Variants in AK2 observed in about 807,000 individuals in gnomAD.
AK2 encodes adenylate kinase 2, mitochondrial.
In AK2, 15 loss-of-function variants were observed where a neutral mutation model predicts 24.6. The ratio of observed to expected loss-of-function variants is 0.61; its 90% CI spans 0.41 to 0.94. AK2 has a LOEUF of 0.94. Ranked by LOEUF, AK2 falls within the 40% of genes least tolerant of loss-of-function variation. The probability of loss-of-function intolerance (pLI) is 0.00; values close to 1 mark genes in which losing one functional copy is unlikely to be tolerated. For missense variants in AK2, 257 were observed against 304.1 expected, an observed-to-expected ratio of 0.85 and a Z score of 1.15; for synonymous variants, 102 against 114.0, an observed-to-expected ratio of 0.90 and a Z score of 0.67.
Position 33,009,277 on chromosome 1 carries a change from C to T in AK2, c.*3904G>A, listed in dbSNP as rs1014499049. 1.1e-5 allele frequency: 5 copies of T among 453,966 alleles called. No homozygotes were observed. The highest frequency in any genetic ancestry group is 1.0e-4 in the African/African-American group (5 of 49,994). The allele number at this position is 453,966 out of a possible 1,614,324, so 28.1% of individuals were successfully genotyped here. ...GGCAGCCCTTCCAAAAACATGAGAG[C>T]TTTAGTTTGGAGAAATTATTTAAGC... On this transcript the variant is annotated 3_prime_UTR_variant, in exon 6 of 6. Coordinates refer to ENST00000672715, the MANE Select transcript of AK2 (RefSeq NM_001625.4).
intron 5 of AK2, 79 bp downstream of exon 5, chr1:33,014,443 G>GA: frequency 8.7e-7 from 1 of 1,147,694 alleles, no homozygotes; most frequent in Non-Finnish European, 1.3e-6. Context: ...AAGGAAGATG[G>GA]AAAGAATAAA....
rs1638791601 is a variant in AK2, at chr1:33,011,074, C to T, written c.*2107G>A. 1 of 1,441,720 alleles carries T rather than the reference C, an allele frequency of 6.9e-7. No homozygotes were observed. The highest frequency in any genetic ancestry group is 1.5e-5 in the South Asian group (1 of 67,636). 89.3% of individuals were successfully genotyped at this position (1,441,720 alleles called of 1,614,324 possible). A position where few individuals can be genotyped will look rare whatever the true frequency, so the allele number is the denominator to read the frequency against. On this transcript the variant is annotated 3_prime_UTR_variant, in exon 6 of 6. Transcript: ENST00000672715. The stretch of plus-strand genomic sequence containing the variant: ...CTATGAATCTTCCAGTTCTTATGGG[C>T]AGCCCAAATATTACTTGTACATGTT...
rs1639762344 is a variant in AK2 at position 33,024,672 on chromosome 1, T to C, written c.94-105A>G. On this transcript the variant is annotated intron_variant, in intron 1 of 5. Transcript: ENST00000672715. ...CTGCCACTTACTGGCTATGTAAACA[T>C]GGGCAAATGCCTACTTCCTTACCTG... is the stretch of plus-strand genomic sequence containing the variant. The C allele has an allele frequency of 6.4e-6, 9 of 1,415,692 alleles. No individual in the cohort carries two copies. In the South Asian group the frequency reaches 8.3e-5, roughly 13 times the overall value. The allele number at this position is 1,415,692 out of a possible 1,614,324, so 87.7% of individuals were successfully genotyped here. A position where few individuals can be genotyped will look rare whatever the true frequency, so the allele number is the denominator to read the frequency against.
intron 3 of AK2, 28 bp downstream of exon 3, chr1:33,021,565 G>T: frequency 6.2e-7 from 1 of 1,608,638 alleles, no homozygotes; most frequent in Non-Finnish European, 8.5e-7. Context: ...GTTTCATGCA[G>T]TAGTAATATA....
intron 1 of AK2, among the ~76,000 whole-genome samples, chr1:33,033,928 C>T (rs1425210678): frequency 6.6e-6 from 1 of 151,960 alleles, no homozygotes; most frequent in Non-Finnish European, 1.5e-5. Flanking sequence ...GGCTGGGGCG[C>T]AATGGTGAGA....
chr1:33,007,962 A>G (rs1263622466), downstream of AK2: 2 of 451,876 alleles, frequency 4.4e-6, no homozygotes, highest in East Asian at 6.9e-5. Flanking sequence ...AGGAGAATAA[A>G]TGAGATAATG....
At chr1:33,034,590 T>C (rs559449704) in intron 1 of AK2, among the ~76,000 whole-genome samples, 2 of 152,262 alleles carry the variant, frequency 1.3e-5, no homozygotes, top group Admixed American at 6.5e-5. Context: ...TAGGTGCTCA[T>C]GAAATGCTGA....
In AK2 at chr1:33,009,517, C is replaced by T. The variant is rs1453587112; in HGVS notation, c.*3664G>A. On this transcript the variant is annotated 3_prime_UTR_variant, in exon 6 of 6. Coordinates refer to ENST00000672715, the MANE Select transcript of AK2 (RefSeq NM_001625.4). ...ATATCTGGATCCAACTAACATTTAT[C>T]CAATGTCTGTTGCATGCCAGGTACT... 5 of 454,140 alleles carry T rather than the reference C, an allele frequency of 1.1e-5. No homozygotes were observed. The highest frequency in any genetic ancestry group is 7.8e-5 in the South Asian group (5 of 64,480). 28.1% of individuals were successfully genotyped at this position (454,140 alleles called of 1,614,324 possible). A position where few individuals can be genotyped will look rare whatever the true frequency, so the allele number is the denominator to read the frequency against.
rs755649892 is a variant in AK2, at chr1:33,014,515, T to C, written c.498+7A>G. The stretch of plus-strand genomic sequence containing the variant: ...AAAAGGAAATTTTTTGTCCTGAGTT[T>C]ACATACGTCATCTTTCATGGGCTCT... On this transcript the variant is annotated splice_region_variant and intron_variant, in intron 5 of 5. Transcript: ENST00000672715. 1 of 1,611,484 alleles carries C rather than the reference T, an allele frequency of 6.2e-7. No homozygotes were observed. The highest frequency in any genetic ancestry group is 8.5e-7 in the Non-Finnish European group (1 of 1,178,086).
chr1:33,018,971 T>A (rs986981034), intron 4 of AK2, among the ~76,000 whole-genome samples: 23 of 152,204 alleles, frequency 1.5e-4, no homozygotes, highest in African/African-American at 5.3e-4. Flanking sequence ...ATCTCCCCAG[T>A]AAAGCTCTTC....
chr1:33,017,067 T>C (rs970867693), intron 4 of AK2, among the ~76,000 whole-genome samples: 1 of 152,340 alleles, frequency 6.6e-6, no homozygotes, highest in Non-Finnish European at 1.5e-5. Flanking sequence ...TTGTCTTGCA[T>C]ACTTTAAATC....
chr1:33,014,702 G>C (rs1397615870), intron 4 of AK2, 108 bp from the exon 5 acceptor site: 1 of 927,522 alleles, frequency 1.1e-6, no homozygotes, highest in Non-Finnish European at 1.7e-6. Context: ...CTGGATGCAA[G>C]GACCCAGCAC....
intron 4 of AK2, among the ~76,000 whole-genome samples, chr1:33,016,558 G>A (rs1473485356): frequency 6.6e-6 from 1 of 151,988 alleles, no homozygotes; most frequent in Admixed American, 6.5e-5. Context: ...TGTCCAGGCT[G>A]GAGTGCAATG....
chr1:33,028,645 C>T (rs1008019016), intron 1 of AK2, among the ~76,000 whole-genome samples: 1 of 152,164 alleles, frequency 6.6e-6, no homozygotes, highest in Non-Finnish European at 1.5e-5. Context: ...CACACTCAGT[C>T]ATAGTCTGTT....
Position 33,011,397 on chromosome 1 carries a change from G to A in AK2, c.*1784C>T, listed in dbSNP as rs761902372. 1.1e-4 allele frequency: 138 copies of A among 1,287,352 alleles called. No individual in the cohort carries two copies. The highest frequency in any genetic ancestry group is 1.6e-4 in the Admixed American group (7 of 43,540). The allele number at this position is 1,287,352 out of a possible 1,614,324, so 79.7% of individuals were successfully genotyped here. A position where few individuals can be genotyped will look rare whatever the true frequency, so the allele number is the denominator to read the frequency against. On this transcript the variant is annotated 3_prime_UTR_variant, in exon 6 of 6. Coordinates refer to ENST00000672715, the MANE Select transcript of AK2 (RefSeq NM_001625.4). ...TGAGTTTCCATTAAGAGTGGGTGGAGTTGGTTTAGAGCCAGGAAAACAAGG... is the reference window on the plus strand; with the variant it reads ...TGAGTTTCCATTAAGAGTGGGTGGAATTGGTTTAGAGCCAGGAAAACAAGG...
At position 33,016,010 on chromosome 1, in the gene AK2, TTGGCATAAAG is replaced by T. The variant is rs577061918; in HGVS notation, c.426-1426_426-1417del. Among the ~76,000 whole-genome samples, 390 of 152,246 alleles carry T rather than the reference TTGGCATAAAG, an allele frequency of 2.6e-3. 1 individual carries two copies. The highest frequency in any genetic ancestry group is 4.7e-3 in the Non-Finnish European group (317 of 67,990). ...ATTTTGGGGGGACAAGATGGTCCATTTGGCATAAAGTGGCACTGGGTTATGGGCAGGAGGG... is the reference window on the plus strand; with the variant it reads ...ATTTTGGGGGGACAAGATGGTCCATTTGGCACTGGGTTATGGGCAGGAGGG... On this transcript the variant is annotated intron_variant, in intron 4 of 5. Transcript: ENST00000672715.
chr1:33,026,978 T>C (rs1316458203), intron 1 of AK2, among the ~76,000 whole-genome samples: 1 of 151,888 alleles, frequency 6.6e-6, no homozygotes, highest in African/African-American at 2.4e-5. Flanking sequence ...ATACAAAAAT[T>C]AGCTGGGCGT....
intron 4 of AK2, chr1:33,019,800 C>T: frequency 1.8e-6 from 2 of 1,106,556 alleles, no homozygotes; most frequent in Non-Finnish European, 2.2e-6. Flanking sequence ...ATCATTTTAA[C>T]AGTGGCTAAC....
chr1:33,015,719 C>T (rs1189140285), intron 4 of AK2, among the ~76,000 whole-genome samples: 3 of 151,962 alleles, frequency 2.0e-5, no homozygotes, highest in African/African-American at 7.3e-5. Flanking sequence ...GGCGAAACCC[C>T]GTTTCTACTA....
Sources: allele counts gnomAD v4.1 joint callset (sites outside exome capture counted in the v4.1 genomes callset), GRCh38; gene constraint gnomAD v4.1.1; transcripts MANE v1.5; gene names NCBI Gene and HGNC (gene_info 2026-07-23, HGNC 2026-07-21).